MAP3K20: variants seen among roughly 807,000 people sequenced by gnomAD.
The protein encoded by MAP3K20 is mitogen-activated protein kinase kinase kinase 20, also known as HCCS-4.
Under a neutral mutation model 85.7 loss-of-function variants are expected in MAP3K20, and 40 were observed. That is an observed-to-expected ratio of 0.47 (90% CI 0.36 to 0.61). The LOEUF (loss-of-function observed/expected upper bound fraction) is 0.61, where lower values mean the gene tolerates loss of function less well. Among genes scored for constraint, MAP3K20 ranks in the 20% least tolerant of loss-of-function variants. MAP3K20 has a pLI of 0.00. For missense variants in MAP3K20, 817 were observed against 961.7 expected (o/e 0.85, Z 1.99); for synonymous variants, 325 against 327.7 (o/e 0.99, Z 0.09).
chr2:173,144,491 G>GA (rs1689079593), intron 2 of MAP3K20, among the ~76,000 whole-genome samples: 5 of 142,604 alleles, frequency 3.5e-5, no homozygotes, highest in South Asian at 4.4e-4. Context: ...AAAAAGAAAA[G>GA]AAAGAAAGAA....
chr2:173,204,717 G>A (rs1381794157), intron 9 of MAP3K20, among the ~76,000 whole-genome samples: 1 of 152,214 alleles, frequency 6.6e-6, no homozygotes, highest in Non-Finnish European at 1.5e-5. Flanking sequence ...GATTGGCCAT[G>A]ATAATTTTTG....
At chr2:173,086,226 T>G (rs554415907) in intron 1 of MAP3K20, among the ~76,000 whole-genome samples, 1 of 152,234 alleles carries the variant, frequency 6.6e-6, no homozygotes, top group South Asian at 2.1e-4. Flanking sequence ...ATTTGAAAAA[T>G]TAGAACATAA....
intron 2 of MAP3K20, among the ~76,000 whole-genome samples, chr2:173,140,538 T>C (rs772539017): frequency 1.8e-4 from 28 of 151,846 alleles, no homozygotes; most frequent in Non-Finnish European, 1.3e-4. Context: ...TTAGTAGAGA[T>C]GGGGTTTCTC....
intron 2 of MAP3K20, among the ~76,000 whole-genome samples, chr2:173,137,462 A>G (rs1398978490): frequency 6.6e-6 from 1 of 152,094 alleles, no homozygotes; most frequent in Non-Finnish European, 1.5e-5. Context: ...AGAAGCATCC[A>G]TTTTAATTTA....
intron 2 of MAP3K20, among the ~76,000 whole-genome samples, chr2:173,113,552 C>G (rs966425112): frequency 6.6e-6 from 1 of 152,136 alleles, no homozygotes; most frequent in East Asian, 1.9e-4. Context: ...CCTCTTAGCA[C>G]TGCCTTTGCT....
intron 2 of MAP3K20, among the ~76,000 whole-genome samples, chr2:173,167,865 G>C (rs1275302001): frequency 6.6e-6 from 1 of 152,074 alleles, no homozygotes; most frequent in Non-Finnish European, 1.5e-5. Context: ...AATCTTTAAT[G>C]ATCACAAAAT....
At chr2:173,161,825 C>T (rs540793294) in intron 2 of MAP3K20, among the ~76,000 whole-genome samples, 128 of 152,176 alleles carry the variant, frequency 8.4e-4, no homozygotes, top group African/African-American at 2.8e-3. Flanking sequence ...TGGTTTGTTC[C>T]AGAGCCGTAT....
At chr2:173,077,379 CAAAAAAAAAA>C (rs35541382) in intron 1 of MAP3K20, among the ~76,000 whole-genome samples, 1 of 96,230 alleles carries the variant, frequency 1.0e-5, no homozygotes, top group African/African-American at 4.2e-5. Flanking sequence ...TTCAATTTTC[CAAAAAAAAAA>C]AAAAAAAAAA....
chr2:173,200,560 A>G (rs1691018067), intron 8 of MAP3K20, among the ~76,000 whole-genome samples: 1 of 152,328 alleles, frequency 6.6e-6, no homozygotes, highest in African/African-American at 2.4e-5. Flanking sequence ...ATATCCAAGT[A>G]TTAGAGTTGT....
chr2:173,232,406 G>A lies in MAP3K20; in HGVS notation c.1150G>A (p.Glu384Lys). 3.1e-6 allele frequency: 5 copies of A among 1,614,230 alleles called. No individual in the cohort carries two copies. The highest frequency in any genetic ancestry group is 1.1e-5 in the South Asian group (1 of 91,088). ...GAAGCGGCTGCTGCTGCTGGAGGAA[G>A]AAGACCTGAAAGACATGGGCATTGT... ...TGKRLLLLEE[E>K]DLKDMGIVSK... is the part of the protein sequence containing the mutation. The change falls in exon 14 of 20, where the codon GAA (glutamate) becomes AAA (lysine). Residue 384 changes from glutamate to lysine, a missense_variant. By Grantham distance (56) the Glu-to-Lys change is moderately conservative. Around this residue, in one of 4 missense-constraint regions of MAP3K20, gnomAD observed 158 missense variants for 162.0 expected, o/e 0.98. Coordinates refer to ENST00000375213, the MANE Select transcript of MAP3K20 (RefSeq NM_016653.3).
At position 173,266,367 on chromosome 2, in the gene MAP3K20, T is replaced by G. The variant is rs746315796; in HGVS notation, c.2020T>G (p.Ser674Ala). ...CACCTCTTCAGAGAGGGGTCGATAC[T>G]CAGACAGAAGCAGGAACAAATATGG... Reference protein sequence around the residue: ...TDTSSERGRYSDRSRNKYGRG... With the variant: ...TDTSSERGRYADRSRNKYGRG... The change falls in exon 20 of 20, where the codon TCA becomes GCA. Residue 674 changes from serine (S) to alanine (A), a missense_variant. Around this residue, in one of 4 missense-constraint regions of MAP3K20, gnomAD observed 454 missense variants for 476.9 expected, o/e 0.95. Coordinates refer to ENST00000375213, the MANE Select transcript of MAP3K20 (RefSeq NM_016653.3). 18 of 1,614,004 alleles carry G rather than the reference T, an allele frequency of 1.1e-5. No homozygotes were observed. The highest frequency in any genetic ancestry group is 1.5e-5 in the Non-Finnish European group (18 of 1,180,024).
At chr2:173,226,910 G>A (rs1684406320) in intron 11 of MAP3K20, 2 of 984,876 alleles carry the variant, frequency 2.0e-6, no homozygotes, top group Non-Finnish European at 1.2e-6. Context: ...ATGTTATTCT[G>A]AGCAAGTCCT....
chr2:173,215,203 T>C (rs1312773365), intron 10 of MAP3K20, among the ~76,000 whole-genome samples: 1 of 152,170 alleles, frequency 6.6e-6, no homozygotes, highest in Non-Finnish European at 1.5e-5. Context: ...GGCAGGGGTG[T>C]GGGGACTGGG....
intron 4 of MAP3K20, among the ~76,000 whole-genome samples, chr2:173,187,170 G>A (rs958841545): frequency 6.6e-6 from 1 of 152,162 alleles, no homozygotes; most frequent in African/African-American, 2.4e-5. Context: ...CAGACAACCA[G>A]ATGAAAACCA....
intron 2 of MAP3K20, among the ~76,000 whole-genome samples, chr2:173,156,638 C>G (rs1416305336): frequency 6.6e-6 from 1 of 152,170 alleles, no homozygotes; most frequent in African/African-American, 2.4e-5. Context: ...TTGTGCTCCT[C>G]TGAGAATCTA....
At chr2:173,215,225 G>A (rs1181287107) in intron 10 of MAP3K20, among the ~76,000 whole-genome samples, 7 of 152,182 alleles carry the variant, frequency 4.6e-5, no homozygotes, top group Non-Finnish European at 8.8e-5. Context: ...CGGCAGAAGC[G>A]CTGTGTAGAT....
chr2:173,143,839 G>C (rs1574053206), intron 2 of MAP3K20, among the ~76,000 whole-genome samples: 1 of 151,998 alleles, frequency 6.6e-6, no homozygotes, highest in African/African-American at 2.4e-5. Context: ...CAGGAAACAA[G>C]TTTATTATAT....
At chr2:173,186,402 C>A (rs895502278) in intron 4 of MAP3K20, among the ~76,000 whole-genome samples, 8 of 152,054 alleles carry the variant, frequency 5.3e-5, no homozygotes, top group Non-Finnish European at 8.8e-5. Flanking sequence ...TTTCCTTTAT[C>A]CCAGTTACAT....
intron 11 of MAP3K20, chr2:173,225,457 G>A: frequency 2.4e-6 from 1 of 416,628 alleles, no homozygotes; most frequent in Non-Finnish European, 3.2e-6. Context: ...GGCTGGGTGT[G>A]GTGTCACATG....
Sources: allele counts gnomAD v4.1 joint callset (sites outside exome capture counted in the v4.1 genomes callset), GRCh38; gene constraint gnomAD v4.1.1; regional missense constraint gnomAD v4.1.1; transcripts MANE v1.5; gene names NCBI Gene and HGNC (gene_info 2026-07-23, HGNC 2026-07-21).